Variants in ANKFY1 observed in about 807,000 individuals in gnomAD.
ANKFY1 encodes the protein ankyrin repeat and FYVE domain containing 1.
A neutral mutation model predicts 128.3 loss-of-function variants in ANKFY1; 47 were observed. The observed-to-expected ratio is 0.37, with a 90% CI of 0.29 to 0.47. ANKFY1 has a LOEUF of 0.47. Among genes scored for constraint, ANKFY1 ranks in the 20% least tolerant of loss-of-function variants. The pLI is 1.00. For missense variants in ANKFY1, 1,222 were observed against 1,510.6 expected (o/e 0.81, Z 3.17); for synonymous variants, 553 against 601.6 (o/e 0.92, Z 1.18).
In ANKFY1 at chr17:4,191,399, C is replaced by G. The variant is rs182884365; in HGVS notation, c.1373-1920G>C. Reference sequence around the variant, plus strand: ...TCCTAGTTGATGGTTAATCTGGAGACGCCTAGTTGATGGTTGCTCTAATCT... The same window carrying G: ...TCCTAGTTGATGGTTAATCTGGAGAGGCCTAGTTGATGGTTGCTCTAATCT... On this transcript the variant is annotated intron_variant, in intron 10 of 24. Transcript: ENST00000341657. 4 of 148,096 alleles carry G rather than the reference C, an allele frequency of 2.7e-5. No individual in the cohort carries two copies. The East Asian group carries it at 8.0e-4, about 30-fold the overall frequency. The allele number at this position is 148,096 out of a possible 1,614,324, so 9.2% of individuals were successfully genotyped here.
At chr17:4,217,903 C>G (rs182903010) in intron 3 of ANKFY1, among the ~76,000 whole-genome samples, 6 of 152,034 alleles carry the variant, frequency 3.9e-5, no homozygotes, top group Admixed American at 1.3e-4. Flanking sequence ...AGGCTGGTCT[C>G]GAAATCCTGG....
intron 2 of ANKFY1, among the ~76,000 whole-genome samples, chr17:4,241,741 T>C (rs1967236035): frequency 6.6e-6 from 1 of 152,060 alleles, no homozygotes; most frequent in South Asian, 2.1e-4. Flanking sequence ...TTAGCAATGC[T>C]ATCACCATGA....
chr17:4,215,721 T>A (rs1213905480), intron 4 of ANKFY1, among the ~76,000 whole-genome samples: 1 of 152,146 alleles, frequency 6.6e-6, no homozygotes, highest in Admixed American at 6.5e-5. Context: ...AATTAAAGAA[T>A]CCATTACACA....
intron 2 of ANKFY1, among the ~76,000 whole-genome samples, chr17:4,238,605 C>T (rs927907014): frequency 1.3e-5 from 2 of 151,962 alleles, no homozygotes; most frequent in Admixed American, 1.3e-4. Flanking sequence ...TGCTGAGTAG[C>T]TGGGATTACA....
chr17:4,207,872 G>A (rs1223184375), intron 6 of ANKFY1, 61 bp downstream of exon 6: 3 of 1,477,340 alleles, frequency 2.0e-6, no homozygotes, highest in East Asian at 2.5e-5. Context: ...GAAGTACCAC[G>A]GAGAAAGACA....
Position 4,177,258 on chromosome 17 carries a change from G to C in ANKFY1, c.2643C>G (p.Asn881Lys). 1.9e-6 allele frequency: 3 copies of C among 1,599,474 alleles called. No homozygotes were observed. The highest frequency in any genetic ancestry group is 2.6e-6 in the Non-Finnish European group (3 of 1,173,000). ...GRNFLHVAVQ[N>K]SDIESVLFLI... The stretch of plus-strand genomic sequence containing the variant: ...GGAACAGCACACTTTCAATATCAGA[G>C]TTCTGAACTGCCACATGAAGGAAAT... Residue 881 changes from asparagine to lysine, a missense_variant, in exon 19 of 25, where the codon AAC (asparagine) becomes AAG (lysine). Coordinates refer to ENST00000341657, the MANE Select transcript of ANKFY1 (RefSeq NM_001330063.2).
chr17:4,202,979 C>CAT lies in ANKFY1; in HGVS notation c.898+3341_898+3342insAT, dbSNP rs1187854341. Among the ~76,000 whole-genome samples the CAT allele has an allele frequency of 7.7e-5, 8 of 104,326 alleles. No homozygotes were observed. In the East Asian group the frequency reaches 1.6e-3, roughly 21 times the overall value. The allele number at this position is 104,326 out of a possible 152,430, so 68.4% of individuals were successfully genotyped here. On this transcript the variant is annotated intron_variant, in intron 7 of 24. Coordinates refer to ENST00000341657, the MANE Select transcript of ANKFY1 (RefSeq NM_001330063.2). The stretch of plus-strand genomic sequence containing the variant: ...AAAGTTCTTTTTACTTATAATCATA[C>CAT]ACATATATATATATATATATATTCA...
chr17:4,239,109 T>C (rs1204745244), intron 2 of ANKFY1, among the ~76,000 whole-genome samples: 1 of 152,186 alleles, frequency 6.6e-6, no homozygotes, highest in Non-Finnish European at 1.5e-5. Context: ...CCTAAGATCA[T>C]ACCATAACTA....
chr17:4,224,361 T>C (rs2060385469), intron 3 of ANKFY1, among the ~76,000 whole-genome samples: 2 of 151,862 alleles, frequency 1.3e-5, no homozygotes, highest in Admixed American at 1.3e-4. Flanking sequence ...AAGCTGGGAC[T>C]ACAGGTGCGC....
At chr17:4,253,693 C>G (rs576886604) in intron 1 of ANKFY1, among the ~76,000 whole-genome samples, 1 of 152,314 alleles carries the variant, frequency 6.6e-6, no homozygotes, top group South Asian at 2.1e-4. Context: ...ATGTGGCATT[C>G]TGATTCACTG....
chr17:4,217,245 C>G, intron 3 of ANKFY1, 127 bp from the exon 4 acceptor site: 1 of 1,086,136 alleles, frequency 9.2e-7, no homozygotes, highest in Non-Finnish European at 1.3e-6. Flanking sequence ...GAATATTACA[C>G]AGTCATTAAA....
intron 14 of ANKFY1, 125 bp downstream of exon 14, chr17:4,183,273 G>C (rs531137655): frequency 1.2e-4 from 140 of 1,147,252 alleles, no homozygotes; most frequent in Admixed American, 7.5e-4. Flanking sequence ...TGTGTTTCTA[G>C]AGCTACTGTT....
chr17:4,179,017 C>T lies in ANKFY1; in HGVS notation c.2438G>A (p.Ser813Asn). 1 of 1,614,208 alleles carries T rather than the reference C, an allele frequency of 6.2e-7. No homozygotes were observed. The change falls in exon 18 of 25, where the codon AGC (serine) becomes AAC (asparagine). Residue 813 changes from serine to asparagine, a missense_variant. Transcript: ENST00000341657. Reference protein sequence around the residue: ...GRTPIHVAISSQHGVIIQLLV... With the variant: ...GRTPIHVAISNQHGVIIQLLV... ...CAGCTGAATGATGACACCGTGTTGG[C>T]TGCTGATGGCCACGTGGATGGGGGT...
rs1433454746 is a variant in ANKFY1, at chr17:4,166,406, A to G, written c.*1373T>C. 6.5e-6 allele frequency: 1 copy of G among 152,690 alleles called. No homozygotes were observed. The highest frequency in any genetic ancestry group is 2.4e-5 in the African/African-American group (1 of 41,478). 9.5% of individuals were successfully genotyped at this position (152,690 alleles called of 1,614,324 possible). A position where few individuals can be genotyped will look rare whatever the true frequency, so the allele number is the denominator to read the frequency against. ...GATTGTTAATCTCTGAGTATAACACATATTGTTCATCTCAGAGTTGTTTTG... is the reference window on the plus strand; with the variant it reads ...GATTGTTAATCTCTGAGTATAACACGTATTGTTCATCTCAGAGTTGTTTTG... On this transcript the variant is annotated 3_prime_UTR_variant, in exon 25 of 25. Coordinates refer to ENST00000341657, the MANE Select transcript of ANKFY1 (RefSeq NM_001330063.2).
At position 4,199,254 on chromosome 17, in the gene ANKFY1, A is replaced by C. The variant is rs1258666731; in HGVS notation, c.899-1677T>G. On this transcript the variant is annotated intron_variant, in intron 7 of 24. Transcript: ENST00000341657. ...CCACCCAGGCTGGTGCACTGGCACG[A>C]TCACGGCTCATTGCAGACTCAACTT... Among the ~76,000 whole-genome samples the C allele has an allele frequency of 3.3e-5, 5 of 152,344 alleles. No homozygotes were observed. In the East Asian group the frequency reaches 9.6e-4, roughly 29 times the overall value.
intron 3 of ANKFY1, among the ~76,000 whole-genome samples, chr17:4,226,538 G>T (rs2060428196): frequency 6.6e-6 from 1 of 151,750 alleles, no homozygotes; most frequent in South Asian, 2.1e-4. Context: ...GAAAAAAGGA[G>T]AACGGGAGAG....
chr17:4,168,486 CT>C (rs906380882), intron 24 of ANKFY1, among the ~76,000 whole-genome samples: 145 of 151,698 alleles, frequency 9.6e-4, no homozygotes, highest in African/African-American at 3.3e-3. Context: ...TCAGCACTAT[CT>C]TTTTTTTTCC....
intron 1 of ANKFY1, among the ~76,000 whole-genome samples, chr17:4,255,825 T>A (rs533564176): frequency 6.6e-6 from 1 of 152,034 alleles, no homozygotes; most frequent in South Asian, 2.1e-4. Context: ...TTCTTTTTTT[T>A]TTTTCTTTTG....
rs8080865 is a variant in ANKFY1, at chr17:4,210,936, A to G, written c.459-989T>C. Among the ~76,000 whole-genome samples, 266 of 142,014 alleles carry G rather than the reference A, an allele frequency of 1.9e-3. 1 individual carries two copies. The highest frequency in any genetic ancestry group is 6.7e-3 in the African/African-American group (256 of 38,076). The allele number at this position is 142,014 out of a possible 152,430, so 93.2% of individuals were successfully genotyped here. A position where few individuals can be genotyped will look rare whatever the true frequency, so the allele number is the denominator to read the frequency against. On this transcript the variant is annotated intron_variant, in intron 4 of 24. Coordinates refer to ENST00000341657, the MANE Select transcript of ANKFY1 (RefSeq NM_001330063.2). ...AGTCCCAGCTACTCAGGAGGCTGAG[A>G]CAGGAGAATTGCTTGAACCCAGGAG...
Sources: allele counts gnomAD v4.1 joint callset (sites outside exome capture counted in the v4.1 genomes callset), GRCh38; gene constraint gnomAD v4.1.1; transcripts MANE v1.5; gene names NCBI Gene and HGNC (gene_info 2026-07-23, HGNC 2026-07-21).